GLRB: variants seen among roughly 807,000 people sequenced by gnomAD.
GLRB encodes the protein glycine receptor subunit beta.
In GLRB, 33 loss-of-function variants were observed where a neutral mutation model predicts 54.2. The ratio of observed to expected loss-of-function variants is 0.61; its 90% confidence interval spans 0.46 to 0.81. The LOEUF is 0.81. Ranked by LOEUF, GLRB falls within the 40% of genes least tolerant of loss-of-function variation. GLRB has a pLI of 0.00. For missense variants in GLRB, 572 were observed against 584.6 expected (o/e 0.98, Z 0.22); for synonymous variants, 209 against 208.2 (o/e 1.00, Z -0.03).
chr4:157,132,457 C>CT (rs113964255), intron 4 of GLRB, among the ~76,000 whole-genome samples: 18 of 151,508 alleles, frequency 1.2e-4, no homozygotes, highest in Non-Finnish European at 1.9e-4. Flanking sequence ...TTGCCTCTGT[C>CT]TTTTTTTTGC....
chr4:157,107,255 G>C (rs1418596691), intron 2 of GLRB, among the ~76,000 whole-genome samples: 1 of 152,022 alleles, frequency 6.6e-6, no homozygotes, highest in Non-Finnish European at 1.5e-5. Context: ...TTGTCTCTAA[G>C]TTTTCAGGTG....
chr4:157,159,309 T>C (rs929087125), intron 9 of GLRB, among the ~76,000 whole-genome samples: 3 of 152,160 alleles, frequency 2.0e-5, no homozygotes, highest in African/African-American at 4.8e-5. Context: ...TTTTCCTAAT[T>C]GAATACCTTT....
At chr4:157,163,829 A>AGTGTGT (rs3054934) in intron 9 of GLRB, among the ~76,000 whole-genome samples, 2,043 of 146,368 alleles carry the variant, frequency 0.014, 42 homozygotes, top group African/African-American at 0.045. Flanking sequence ...TGTCTGTGTG[A>AGTGTGT]GTGTGTGTGT....
intron 9 of GLRB, among the ~76,000 whole-genome samples, chr4:157,168,609 G>T (rs896326197): frequency 2.6e-5 from 4 of 152,058 alleles, no homozygotes; most frequent in Admixed American, 2.0e-4. Flanking sequence ...CAACATGTTG[G>T]TGATTTACAT....
At chr4:157,142,109 CAA>C (rs1736638748) in intron 7 of GLRB, among the ~76,000 whole-genome samples, 1 of 152,018 alleles carries the variant, frequency 6.6e-6, no homozygotes, top group Non-Finnish European at 1.5e-5. Context: ...TGAGCCTTCT[CAA>C]TTGTAGCAAT....
intron 4 of GLRB, among the ~76,000 whole-genome samples, chr4:157,134,330 G>T (rs1363475366): frequency 6.6e-6 from 1 of 151,866 alleles, no homozygotes; most frequent in African/African-American, 2.4e-5. Flanking sequence ...ACCAAGGAGG[G>T]AAGTTTGCTT....
chr4:157,147,303 T>G (rs1032366726), intron 8 of GLRB, among the ~76,000 whole-genome samples: 2 of 152,204 alleles, frequency 1.3e-5, no homozygotes, highest in African/African-American at 2.4e-5. Context: ...AAAGTATTTC[T>G]AGGTCAAGAA....
intron 2 of GLRB, among the ~76,000 whole-genome samples, chr4:157,080,354 G>T (rs2126416456): frequency 6.6e-6 from 1 of 152,198 alleles, no homozygotes; most frequent in Admixed American, 6.5e-5. Context: ...ATAATTATGA[G>T]ACTAGATCAA....
rs200108540 is a variant in GLRB, at chr4:157,083,376, TA to T, written c.122+5231del. Among the ~76,000 whole-genome samples, 887 of 147,370 alleles carry T rather than the reference TA, an allele frequency of 6.0e-3. 9 individuals are homozygous for T. The highest frequency in any genetic ancestry group is 0.021 in the African/African-American group (825 of 39,368). On this transcript the variant is annotated intron_variant, in intron 2 of 9. Transcript: ENST00000264428. ...AATGTATAGAAGCTACGGGGAGGGA[TA>T]TTTTTGGCTCCAAGTTAAGAACTTT... is the stretch of plus-strand genomic sequence containing the variant.
chr4:157,116,364 A>C, intron 2 of GLRB, among the ~76,000 whole-genome samples: 1 of 151,910 alleles, frequency 6.6e-6, no homozygotes, highest in Middle Eastern at 3.4e-3. Context: ...CCTGCTTTTT[A>C]ATATATTGGA....
intron 8 of GLRB, among the ~76,000 whole-genome samples, chr4:157,145,856 G>T (rs952189905): frequency 3.3e-5 from 5 of 152,052 alleles, no homozygotes; most frequent in Non-Finnish European, 7.4e-5. Flanking sequence ...GATCATCTGG[G>T]CTGCATTCCT....
chr4:157,109,692 T>G (rs1250222201), intron 2 of GLRB, among the ~76,000 whole-genome samples: 2 of 152,058 alleles, frequency 1.3e-5, no homozygotes, highest in African/African-American at 4.8e-5. Context: ...CCTGTACTTC[T>G]GACTAACTGA....
At chr4:157,147,185 A>G (rs530764184) in intron 8 of GLRB, among the ~76,000 whole-genome samples, 4 of 152,320 alleles carry the variant, frequency 2.6e-5, no homozygotes, top group South Asian at 2.1e-4. Context: ...TTGGTTTTCA[A>G]TCTCTGGTTG....
intron 9 of GLRB, among the ~76,000 whole-genome samples, chr4:157,165,569 G>C (rs562215915): frequency 6.6e-6 from 1 of 152,050 alleles, no homozygotes; most frequent in South Asian, 2.1e-4. Flanking sequence ...TTACTATGAG[G>C]TTTTTATAAT....
intron 2 of GLRB, among the ~76,000 whole-genome samples, chr4:157,103,756 T>C (rs1735122618): frequency 6.6e-6 from 1 of 152,192 alleles, no homozygotes; most frequent in Non-Finnish European, 1.5e-5. Flanking sequence ...AAGTCTTTGA[T>C]TACCTTAGTT....
intron 2 of GLRB, among the ~76,000 whole-genome samples, chr4:157,083,035 A>G (rs1235239959): frequency 6.6e-6 from 1 of 150,518 alleles, no homozygotes; most frequent in Non-Finnish European, 1.5e-5. Flanking sequence ...CATTCTTAAA[A>G]TTAACACATT....
At chr4:157,098,228 G>C (rs571635067) in intron 2 of GLRB, among the ~76,000 whole-genome samples, 1 of 152,162 alleles carries the variant, frequency 6.6e-6, no homozygotes, top group African/African-American at 2.4e-5. Flanking sequence ...ATGCTTGTTG[G>C]TATAGGAGTA....
At chr4:157,127,718 G>A (rs1175882106) in intron 4 of GLRB, among the ~76,000 whole-genome samples, 1 of 151,926 alleles carries the variant, frequency 6.6e-6, no homozygotes, top group African/African-American at 2.4e-5. Flanking sequence ...CAGTTGTCAT[G>A]CAAGGAAGGG....
intron 2 of GLRB, among the ~76,000 whole-genome samples, chr4:157,096,541 T>G (rs1734818458): frequency 6.6e-6 from 1 of 152,356 alleles, no homozygotes; most frequent in South Asian, 2.1e-4. Context: ...GAAGGGCTTA[T>G]CTTTCAATAT....
Sources: allele counts gnomAD v4.1 joint callset (sites outside exome capture counted in the v4.1 genomes callset), GRCh38; gene constraint gnomAD v4.1.1; transcripts MANE v1.5; gene names NCBI Gene and HGNC (gene_info 2026-07-23, HGNC 2026-07-21).